Variants in CIMAP3 observed in about 807,000 individuals in gnomAD.
CIMAP3 encodes ciliary microtubule-associated protein 3.
At chr1:111,339,655 G>A in the CIMAP3 span, among the ~76,000 whole-genome samples, 1 of 151,826 alleles carries the variant, frequency 6.6e-6, no homozygotes, top group African/African-American at 2.4e-5. Context: ...CAAGGGATGT[G>A]AAGGACCTCT....
At chr1:111,335,666 C>A in the CIMAP3 span, among the ~76,000 whole-genome samples, 1 of 152,258 alleles carries the variant, frequency 6.6e-6, no homozygotes, top group Non-Finnish European at 1.5e-5. Context: ...CGCCATTGCC[C>A]AGGCTTGCTT....
the CIMAP3 span, chr1:111,351,273 A>G: frequency 1.9e-6 from 3 of 1,605,616 alleles, no homozygotes; most frequent in Non-Finnish European, 2.5e-6. Flanking sequence ...CCACAGACAA[A>G]GACTTTAGAA....
At chr1:111,326,600 C>T in the CIMAP3 span, among the ~76,000 whole-genome samples, 1 of 152,086 alleles carries the variant, frequency 6.6e-6, no homozygotes, top group Admixed American at 6.5e-5. Context: ...CACACAAATG[C>T]AGGTATCCCT....
the CIMAP3 span, chr1:111,348,469 T>C: frequency 1.3e-6 from 2 of 1,526,070 alleles, no homozygotes; most frequent in Non-Finnish European, 1.8e-6. Flanking sequence ...TATGTGTATA[T>C]ATATACATAT....
At chr1:111,351,166 G>T in the CIMAP3 span, 30 of 576,400 alleles carry the variant, frequency 5.2e-5, no homozygotes, top group Admixed American at 1.3e-4. Context: ...ATAATGTACA[G>T]TTTTTTTTTT....
chr1:111,328,164 G>A, the CIMAP3 span, among the ~76,000 whole-genome samples: 19,390 of 152,138 alleles, frequency 0.13, 1,349 homozygotes, highest in African/African-American at 0.16. Context: ...AGTTTTGAGC[G>A]ATTTTCATAG....
the CIMAP3 span, chr1:111,351,303 C>A: frequency 6.3e-7 from 1 of 1,583,462 alleles, no homozygotes; most frequent in South Asian, 1.2e-5. Flanking sequence ...ACCGTGTGGC[C>A]TACCTAAGCC....
the CIMAP3 span, among the ~76,000 whole-genome samples, chr1:111,334,309 G>T: frequency 6.6e-6 from 1 of 152,152 alleles, no homozygotes; most frequent in Non-Finnish European, 1.5e-5. Flanking sequence ...TTTAGGAAGG[G>T]CAGGGCTCCA....
chr1:111,324,698 T>G, the CIMAP3 span: 1 of 985,184 alleles, frequency 1.0e-6, no homozygotes, highest in Non-Finnish European at 1.2e-6. Context: ...AAAGTCCCCA[T>G]GTGAGAGTGG....
the CIMAP3 span, among the ~76,000 whole-genome samples, chr1:111,330,632 A>C: frequency 6.6e-6 from 1 of 152,174 alleles, no homozygotes; most frequent in Non-Finnish European, 1.5e-5. Context: ...AGTGCTGGCC[A>C]TAGATTGTGA....
the CIMAP3 span, chr1:111,349,925 C>T: frequency 3.2e-5 from 17 of 533,502 alleles, no homozygotes; most frequent in South Asian, 1.4e-4. Flanking sequence ...AGATGTTTAA[C>T]GCTAACATCT....
At chr1:111,346,030 T>C in the CIMAP3 span, among the ~76,000 whole-genome samples, 1 of 152,090 alleles carries the variant, frequency 6.6e-6, no homozygotes, top group Non-Finnish European at 1.5e-5. Context: ...AAAAAACTAT[T>C]AGAGTCTTCT....
chr1:111,334,001 G>A, the CIMAP3 span, among the ~76,000 whole-genome samples: 4 of 152,146 alleles, frequency 2.6e-5, no homozygotes, highest in Admixed American at 6.5e-5. Context: ...TAGAATTGAT[G>A]ATTTTTACTT....
the CIMAP3 span, among the ~76,000 whole-genome samples, chr1:111,336,559 C>T: frequency 6.6e-6 from 1 of 152,080 alleles, no homozygotes; most frequent in Admixed American, 6.5e-5. Context: ...ATGCAGAAGA[C>T]TCAGGAGCCG....
At chr1:111,340,697 C>A in the CIMAP3 span, among the ~76,000 whole-genome samples, 1 of 152,246 alleles carries the variant, frequency 6.6e-6, no homozygotes, top group East Asian at 1.9e-4. Flanking sequence ...ATTAAAAAGT[C>A]AGGAAACAGC....
At chr1:111,338,843 A>G in the CIMAP3 span, among the ~76,000 whole-genome samples, 1 of 152,178 alleles carries the variant, frequency 6.6e-6, no homozygotes, top group Non-Finnish European at 1.5e-5. Flanking sequence ...AATCCTCCCT[A>G]ACTCATTTTA....
At chr1:111,352,650 TTA>T in the CIMAP3 span, 4 of 152,278 alleles carry the variant, frequency 2.6e-5, no homozygotes, top group Non-Finnish European at 5.9e-5. Context: ...CAAGAAGTAT[TTA>T]TGACTTGAGA....
At chr1:111,338,359 A>G in the CIMAP3 span, among the ~76,000 whole-genome samples, 2 of 151,798 alleles carry the variant, frequency 1.3e-5, no homozygotes, top group Non-Finnish European at 2.9e-5. Flanking sequence ...AGCAGAACTG[A>G]AGGAAATAGA....
chr1:111,337,298 A>G, the CIMAP3 span, among the ~76,000 whole-genome samples: 1 of 152,242 alleles, frequency 6.6e-6, no homozygotes, highest in Non-Finnish European at 1.5e-5. Context: ...ACTAACGTGC[A>G]AAATAGCCAG....
Sources: gnomAD v4.1 joint callset for allele counts (sites outside exome capture counted in the v4.1 genomes callset) on GRCh38, gnomAD v4.1.1 for gene constraint, MANE v1.5 for transcripts, NCBI Gene and HGNC (gene_info 2026-07-23, HGNC 2026-07-21) for gene names.